Variants in SSPN observed in about 807,000 individuals in gnomAD.
The protein encoded by SSPN is K-ras oncogene-associated protein.
SSPN carries 15 observed loss-of-function variants against 19.1 expected under a neutral mutation model. That is an observed-to-expected ratio of 0.78 (90% CI 0.52 to 1.21). The LOEUF (loss-of-function observed/expected upper bound fraction) is 1.21, where lower values mean the gene tolerates loss of function less well. Among genes scored for constraint, SSPN ranks in the 50% most tolerant of loss-of-function variants. The pLI is 0.00. For missense variants in SSPN, 291 were observed against 314.0 expected (o/e 0.93, Z 0.55); for synonymous variants, 147 against 140.3 (o/e 1.05, Z -0.34).
At chr12:26,150,055 C>T (rs1209112822) in intron 1 of SSPN, among the ~76,000 whole-genome samples, 1 of 152,174 alleles carries the variant, frequency 6.6e-6, no homozygotes, top group South Asian at 2.1e-4. Flanking sequence ...CTCAAACTTG[C>T]AGATGTTTCT....
chr12:26,207,794 A>G (rs557261807), intron 1 of SSPN, among the ~76,000 whole-genome samples: 1 of 152,232 alleles, frequency 6.6e-6, no homozygotes, highest in South Asian at 2.1e-4. Context: ...CTAGGAGTTC[A>G]AGCCTGGGCA....
rs1430150505 is a variant in SSPN at position 26,122,758 on chromosome 12, C to T, written c.-31+606C>T. The T allele has an allele frequency of 4.4e-6, 7 of 1,595,402 alleles. No individual in the cohort carries two copies. The highest frequency in any genetic ancestry group is 6.0e-6 in the Non-Finnish European group (7 of 1,176,210). On this transcript the variant is annotated intron_variant, in intron 1 of 2. Coordinates refer to the SSPN transcript ENST00000538142. ...CTCGCCCCCGCGCCTTTGCCTTTCT[C>T]GCGGTCCGGCCGGGCCTCGGCTTCG...
intron 1 of SSPN, among the ~76,000 whole-genome samples, chr12:26,178,690 A>T (rs917614800): frequency 4.6e-5 from 7 of 152,230 alleles, no homozygotes; most frequent in African/African-American, 1.7e-4. Context: ...CCTCAGCAGC[A>T]CAGACACAAG....
At chr12:26,161,341 C>T (rs1419989653) in intron 1 of SSPN, among the ~76,000 whole-genome samples, 1 of 152,150 alleles carries the variant, frequency 6.6e-6, no homozygotes, top group African/African-American at 2.4e-5. Flanking sequence ...CCACCAGGTA[C>T]CTATGCCCGA....
At chr12:26,213,339 A>G (rs11048433) in intron 1 of SSPN, among the ~76,000 whole-genome samples, 4,222 of 152,276 alleles carry the variant, frequency 0.028, 89 homozygotes, top group Middle Eastern at 0.044. Flanking sequence ...TGTTGGAAAG[A>G]TTTTTGAAAA....
intron 1 of SSPN, among the ~76,000 whole-genome samples, chr12:26,219,862 G>A (rs1945100159): frequency 6.6e-6 from 1 of 152,122 alleles, no homozygotes; most frequent in African/African-American, 2.4e-5. Flanking sequence ...CTGGGTGTCT[G>A]GTCCAACAAG....
chr12:26,124,034 C>T (rs1944339538), intron 1 of SSPN: 3 of 1,352,850 alleles, frequency 2.2e-6, no homozygotes, highest in Non-Finnish European at 2.1e-6. Context: ...ATTAACACGC[C>T]CTTGGAGAGC....
intron 1 of SSPN, among the ~76,000 whole-genome samples, chr12:26,151,853 A>C (rs545127187): frequency 6.6e-6 from 1 of 152,338 alleles, no homozygotes; most frequent in South Asian, 2.1e-4. Flanking sequence ...TGCGTGGTAG[A>C]AAATAAAAAC....
chr12:26,144,018 A>C (rs866228421), intron 1 of SSPN, among the ~76,000 whole-genome samples: 1 of 152,162 alleles, frequency 6.6e-6, no homozygotes, highest in African/African-American at 2.4e-5. Context: ...TCTCCCACTG[A>C]TTCTATATTA....
At chr12:26,214,208 C>T (rs919703969) in intron 1 of SSPN, among the ~76,000 whole-genome samples, 3 of 152,178 alleles carry the variant, frequency 2.0e-5, no homozygotes, top group South Asian at 2.1e-4. Flanking sequence ...GACTAAGTCA[C>T]GGTCCCCCAG....
rs935639512 is a variant in SSPN, at chr12:26,217,878, A to G, written c.280-6415A>G. Among the ~76,000 whole-genome samples the G allele has an allele frequency of 2.8e-4, 43 of 152,326 alleles. 1 individual carries two copies. Among genetic ancestry groups the G allele is most frequent in the African/African-American group, 8.2e-4 (34 of 41,588 alleles). On this transcript the variant is annotated intron_variant, in intron 1 of 2. Coordinates refer to ENST00000242729, the MANE Select transcript of SSPN (RefSeq NM_005086.5). Reference sequence around the variant, plus strand: ...TTTTACACTGTTGGTGGGACTGTAAACTAGTTCAACCATTGTGGAAGTCAG... The same window carrying G: ...TTTTACACTGTTGGTGGGACTGTAAGCTAGTTCAACCATTGTGGAAGTCAG...
At chr12:26,151,752 A>G (rs1944526841) in intron 1 of SSPN, among the ~76,000 whole-genome samples, 3 of 152,366 alleles carry the variant, frequency 2.0e-5, no homozygotes, top group Admixed American at 1.3e-4. Flanking sequence ...ACAGGGCTGC[A>G]GAATTTACTA....
At chr12:26,197,645 C>A (rs899339975) in intron 1 of SSPN, among the ~76,000 whole-genome samples, 1 of 152,182 alleles carries the variant, frequency 6.6e-6, no homozygotes, top group African/African-American at 2.4e-5. Flanking sequence ...AACATAAAAA[C>A]CATGCAACTC....
chr12:26,233,355 T>TATATATATATATATATATATATAA lies in SSPN; in HGVS notation c.*2280_*2281insTATATATATATATATATATATAAA, dbSNP rs766583720. The TATATATATATATATATATATATAA allele has an allele frequency of 6.8e-6, 1 of 146,540 alleles. No homozygotes were observed. The highest frequency in any genetic ancestry group is 2.6e-5 in the African/African-American group (1 of 37,896). 9.1% of individuals were successfully genotyped at this position (146,540 alleles called of 1,614,324 possible). Reference sequence around the variant, plus strand: ...AGATATATATATATATATATACACATACACACACACACACACATATATACT... The same window carrying TATATATATATATATATATATATAA: ...AGATATATATATATATATATACACATATATATATATATATATATATATAAACACACACACACACACATATATACT... On this transcript the variant is annotated 3_prime_UTR_variant, in exon 3 of 3. Coordinates refer to ENST00000242729, the MANE Select transcript of SSPN (RefSeq NM_005086.5). This position sits in a 1 kb window ranked among gnomAD's most constrained non-coding sequence, Gnocchi z 4.3.
At chr12:26,226,078 G>A (rs184712444) in intron 2 of SSPN, among the ~76,000 whole-genome samples, 1 of 151,522 alleles carries the variant, frequency 6.6e-6, no homozygotes, top group East Asian at 1.9e-4. Context: ...TTTTCCACCC[G>A]TGACAGGCAT....
At chr12:26,220,592 C>T (rs1342621378) in intron 1 of SSPN, among the ~76,000 whole-genome samples, 1 of 152,184 alleles carries the variant, frequency 6.6e-6, no homozygotes, top group Non-Finnish European at 1.5e-5. Flanking sequence ...CCACTGTTTC[C>T]TATGGTGTCA....
At chr12:26,204,981 C>T (rs1053519903) in intron 1 of SSPN, among the ~76,000 whole-genome samples, 18 of 152,168 alleles carry the variant, frequency 1.2e-4, no homozygotes, top group African/African-American at 3.4e-4. Flanking sequence ...GCTAGAGCCA[C>T]GGTCCCTAAT....
At chr12:26,123,010 C>T (rs1944327852) in intron 1 of SSPN, 5 of 1,569,362 alleles carry the variant, frequency 3.2e-6, no homozygotes, top group Non-Finnish European at 4.3e-6. Flanking sequence ...TGGGTGGCCA[C>T]GGCGTGCAAG....
Position 26,152,740 on chromosome 12 carries a change from T to A in SSPN, c.-31+30588T>A, listed in dbSNP as rs117558846. Among the ~76,000 whole-genome samples, 81 of 152,326 alleles carry A rather than the reference T, an allele frequency of 5.3e-4. No homozygotes were observed. The East Asian group carries it at 0.013, about 25-fold the overall frequency. On this transcript the variant is annotated intron_variant, in intron 1 of 2. Transcript: ENST00000538142. ...ACTCTCCACACAGGAGGCAGTCATATTTTTAAAATGTATGTACCATATCAC... is the reference window on the plus strand; with the variant it reads ...ACTCTCCACACAGGAGGCAGTCATAATTTTAAAATGTATGTACCATATCAC...
Sources: gnomAD v4.1 joint callset for allele counts (sites outside exome capture counted in the v4.1 genomes callset) on GRCh38, gnomAD v4.1.1 for gene constraint, Gnocchi (gnomAD v3.1) non-coding constraint, MANE v1.5 for transcripts, NCBI Gene and HGNC (gene_info 2026-07-23, HGNC 2026-07-21) for gene names.